The following PALM2AKAP2 variants were observed in gnomAD, a reference collection of about 807,000 sequenced individuals.
PALM2AKAP2 encodes the protein PALM2 and AKAP2 fusion.
A neutral mutation model predicts 71.5 loss-of-function variants in PALM2AKAP2; 37 were observed. The ratio of observed to expected loss-of-function variants is 0.52; its 90% CI spans 0.40 to 0.68. The LOEUF (loss-of-function observed/expected upper bound fraction) is 0.68. Ranked by LOEUF, PALM2AKAP2 falls within the 30% of genes least tolerant of loss-of-function variation. The pLI is 0.00. For synonymous variants in PALM2AKAP2, 468 were observed against 478.8 expected, an observed-to-expected ratio of 0.98 and a Z score of 0.29; for missense variants, 1,224 against 1,191.8, an observed-to-expected ratio of 1.03 and a Z score of -0.40.
At position 110,130,514 on chromosome 9, in the gene PALM2AKAP2, C is replaced by T. The variant is rs182102097; in HGVS notation, c.157-5613C>T. Among the ~76,000 whole-genome samples the T allele has an allele frequency of 1.3e-3, 192 of 152,314 alleles. 1 individual carries two copies. The highest frequency in any genetic ancestry group is 4.4e-3 in the African/African-American group (184 of 41,554). On this transcript the variant is annotated intron_variant, in intron 1 of 3. Coordinates refer to ENST00000374525, the Ensembl canonical transcript of PALM2AKAP2. The stretch of plus-strand genomic sequence containing the variant: ...GCGACTTTAGTTGCAGCCTGGCTAC[C>T]AGGTTATGTTAAACACAGGTCTCTG...
chr9:109,718,419 C>G (rs1828360259), intron 1 of PALM2AKAP2, among the ~76,000 whole-genome samples: 1 of 152,080 alleles, frequency 6.6e-6, no homozygotes, highest in South Asian at 2.1e-4. Flanking sequence ...AAAATGTTTG[C>G]AATGTAATTA....
intron 1 of PALM2AKAP2, among the ~76,000 whole-genome samples, chr9:109,790,124 A>G (rs901294714): frequency 6.6e-6 from 1 of 152,232 alleles, no homozygotes; most frequent in Admixed American, 6.5e-5. Context: ...TAAAAGCCCC[A>G]GCTGTAGATG....
At chr9:110,021,575 A>G (rs1833074816) in intron 7 of PALM2AKAP2, among the ~76,000 whole-genome samples, 1 of 152,108 alleles carries the variant, frequency 6.6e-6, no homozygotes, top group African/African-American at 2.4e-5. Context: ...ATTTTACTCT[A>G]CTTACCCTTA....
At chr9:109,713,870 G>A (rs995383200) in intron 1 of PALM2AKAP2, among the ~76,000 whole-genome samples, 1 of 152,174 alleles carries the variant, frequency 6.6e-6, no homozygotes, top group African/African-American at 2.4e-5. Context: ...CCCATAGAAT[G>A]TACAACACAA....
chr9:110,129,684 C>G (rs917718761), intron 1 of PALM2AKAP2, among the ~76,000 whole-genome samples: 3 of 152,212 alleles, frequency 2.0e-5, no homozygotes, highest in Admixed American at 2.0e-4. Flanking sequence ...GCCCACAGGA[C>G]AGGCTTGTCA....
chr9:109,779,163 G>A (rs548476040), upstream of PALM2AKAP2, among the ~76,000 whole-genome samples: 1 of 152,254 alleles, frequency 6.6e-6, no homozygotes, highest in South Asian at 2.1e-4. Flanking sequence ...ATGAAGAAAC[G>A]TTTGCATATG....
At position 109,836,739 on chromosome 9, in the gene PALM2AKAP2, C is replaced by A. The variant is rs189826731; in HGVS notation, c.46-30752C>A. ...GAGAACTACGTGGCGAATGCCCAAG[C>A]CTCAGTAGCTGATTCGATCAACTGG... is the stretch of plus-strand genomic sequence containing the variant. On this transcript the variant is annotated intron_variant, in intron 1 of 9. Transcript: ENST00000302798. Among the ~76,000 whole-genome samples the A allele has an allele frequency of 1.8e-3, 279 of 152,284 alleles. 2 individuals are homozygous for A. Among genetic ancestry groups the A allele is most frequent in the African/African-American group, 6.5e-3 (268 of 41,548 alleles).
At chr9:110,048,884 GC>G in intron 1 of PALM2AKAP2, 1 of 1,517,920 alleles carries the variant, frequency 6.6e-7, no homozygotes, top group African/African-American at 1.4e-5. Context: ...GAGGGGAGGG[GC>G]TGGAGTGTCC....
At chr9:109,935,739 C>T (rs1831204442) in intron 6 of PALM2AKAP2, among the ~76,000 whole-genome samples, 1 of 152,164 alleles carries the variant, frequency 6.6e-6, no homozygotes, top group Admixed American at 6.5e-5. Flanking sequence ...CAGCTTCCAG[C>T]ACCTTTCCTG....
At chr9:109,811,051 T>C (rs568750157) in intron 1 of PALM2AKAP2, among the ~76,000 whole-genome samples, 1 of 152,166 alleles carries the variant, frequency 6.6e-6, no homozygotes, top group Non-Finnish European at 1.5e-5. Context: ...AATAATCCTC[T>C]CAGACAGTTC....
chr9:110,034,942 C>T (rs1833354302), intron 7 of PALM2AKAP2, among the ~76,000 whole-genome samples: 1 of 151,666 alleles, frequency 6.6e-6, no homozygotes, highest in Admixed American at 6.6e-5. Flanking sequence ...CTGAAAATAG[C>T]TGTGTTTATG....
intron 1 of PALM2AKAP2, among the ~76,000 whole-genome samples, chr9:109,741,100 A>G (rs1828710208): frequency 6.6e-6 from 1 of 152,214 alleles, no homozygotes; most frequent in Non-Finnish European, 1.5e-5. Flanking sequence ...GAGGATTTTC[A>G]TCACCTCAGA....
intron 6 of PALM2AKAP2, among the ~76,000 whole-genome samples, chr9:109,948,965 A>C (rs1831573563): frequency 6.6e-6 from 1 of 152,166 alleles, no homozygotes; most frequent in South Asian, 2.1e-4. Context: ...TTTTGGTAAA[A>C]AAAAACGCAG....
At chr9:110,017,592 G>C (rs1476110022) in intron 7 of PALM2AKAP2, among the ~76,000 whole-genome samples, 2 of 152,196 alleles carry the variant, frequency 1.3e-5, no homozygotes, top group Admixed American at 1.3e-4. Flanking sequence ...TTATCATCTG[G>C]AGAATTAGTT....
At chr9:109,774,905 A>G (rs1430198628) in intron 1 of PALM2AKAP2, among the ~76,000 whole-genome samples, 1 of 152,034 alleles carries the variant, frequency 6.6e-6, no homozygotes, top group East Asian at 1.9e-4. Context: ...TGTCATATCT[A>G]CCTCCTACTT....
chr9:110,003,169 A>G (rs895500317), intron 6 of PALM2AKAP2, among the ~76,000 whole-genome samples: 7 of 151,876 alleles, frequency 4.6e-5, no homozygotes, highest in African/African-American at 1.7e-4. Context: ...GTGGGCATTT[A>G]GTGCTATAAA....
intron 1 of PALM2AKAP2, among the ~76,000 whole-genome samples, chr9:109,801,833 G>A (rs1827439374): frequency 6.6e-6 from 1 of 152,148 alleles, no homozygotes; most frequent in Non-Finnish European, 1.5e-5. Context: ...CCTGCAGGAA[G>A]GGGATAAAAA....
intron 1 of PALM2AKAP2, among the ~76,000 whole-genome samples, chr9:110,083,559 T>C (rs752843163): frequency 2.0e-4 from 31 of 152,146 alleles, no homozygotes; most frequent in Non-Finnish European, 3.8e-4. Flanking sequence ...GTCTGCAAAG[T>C]TTTTTGTTTT....
At chr9:110,023,301 G>C (rs1367721581) in intron 7 of PALM2AKAP2, among the ~76,000 whole-genome samples, 2 of 101,418 alleles carry the variant, frequency 2.0e-5, no homozygotes, top group Non-Finnish European at 3.8e-5. Context: ...TCTCATTGTG[G>C]TTTCTTTTTT....
Sources: allele counts gnomAD v4.1 joint callset (sites outside exome capture counted in the v4.1 genomes callset), GRCh38; gene constraint gnomAD v4.1.1; transcripts MANE v1.5; gene names NCBI Gene and HGNC (gene_info 2026-07-23, HGNC 2026-07-21).